Variants in CCDC7 observed in about 807,000 individuals in gnomAD.
The protein encoded by CCDC7 is coiled-coil domain containing 7.
In CCDC7, 183 loss-of-function variants were observed where a neutral mutation model predicts 196.9. The ratio of observed to expected loss-of-function variants is 0.93; its 90% CI spans 0.82 to 1.05. The LOEUF (loss-of-function observed/expected upper bound fraction) is 1.05, where lower values mean the gene tolerates loss of function less well. CCDC7 is among the 50% of genes least tolerant of loss of function. The pLI is 0.00. For synonymous variants in CCDC7, 525 were observed against 484.6 expected, an observed-to-expected ratio of 1.08 and a Z score of -1.10; for missense variants, 1,540 against 1,482.2, an observed-to-expected ratio of 1.04 and a Z score of -0.64.
chr10:32,782,498 G>A (rs2081219775), intron 29 of CCDC7, among the ~76,000 whole-genome samples: 1 of 152,100 alleles, frequency 6.6e-6, no homozygotes, highest in South Asian at 2.1e-4. Flanking sequence ...AAAGTGCTGG[G>A]ATTACAGGCA....
At chr10:32,879,071 A>G (rs2094692979), downstream of CCDC7, among the ~76,000 whole-genome samples, 2 of 151,728 alleles carry the variant, frequency 1.3e-5, no homozygotes, top group Admixed American at 1.3e-4. Context: ...TTTTTTATTT[A>G]AGTTCTGAGA....
intron 11 of CCDC7, among the ~76,000 whole-genome samples, chr10:32,529,612 G>T (rs2135839193): frequency 6.6e-6 from 1 of 152,142 alleles, no homozygotes; most frequent in Non-Finnish European, 1.5e-5. Context: ...GCTTTTTAGT[G>T]GGATTACTTG....
chr10:32,537,354 T>A (rs1014206269), intron 11 of CCDC7, among the ~76,000 whole-genome samples: 1 of 152,200 alleles, frequency 6.6e-6, no homozygotes, highest in Non-Finnish European at 1.5e-5. Flanking sequence ...AGTCATTTTT[T>A]CCTTGTAAAT....
At chr10:32,663,431 TCCTGTGTTTCAATTTCTA>T (rs1439463829) in intron 20 of CCDC7, among the ~76,000 whole-genome samples, 1 of 152,206 alleles carries the variant, frequency 6.6e-6, no homozygotes, top group Non-Finnish European at 1.5e-5. Context: ...GGTTTATCTT[TCCTGTGTTTCAATTTCTA>T]AAAGTAAGTA....
chr10:32,620,980 AT>A (rs1475325319), intron 18 of CCDC7, among the ~76,000 whole-genome samples: 1 of 152,186 alleles, frequency 6.6e-6, no homozygotes, highest in Admixed American at 6.5e-5. Flanking sequence ...GTTTTGATAA[AT>A]TACTGAATAT....
chr10:32,721,376 C>A (rs7075648), intron 25 of CCDC7, among the ~76,000 whole-genome samples: 29,891 of 151,978 alleles, frequency 0.2, 4,640 homozygotes, highest in African/African-American at 0.44. Context: ...CTAATTGGTG[C>A]ACAAAGAAGT....
chr10:32,597,464 A>G (rs112225353), intron 18 of CCDC7, among the ~76,000 whole-genome samples: 24 of 152,104 alleles, frequency 1.6e-4, no homozygotes, highest in African/African-American at 5.8e-4. Flanking sequence ...ATGGGTTCGA[A>G]CATCCTCCTT....
At chr10:32,546,599 G>T (rs916720710) in intron 13 of CCDC7, among the ~76,000 whole-genome samples, 2 of 152,148 alleles carry the variant, frequency 1.3e-5, no homozygotes, top group African/African-American at 2.4e-5. Flanking sequence ...CATAAATTTT[G>T]TAAAAAACAA....
At chr10:32,715,555 C>G (rs1024184753) in intron 25 of CCDC7, among the ~76,000 whole-genome samples, 3 of 152,132 alleles carry the variant, frequency 2.0e-5, no homozygotes, top group Non-Finnish European at 4.4e-5. Context: ...ATGAGTTTGA[C>G]AAGCTGACAG....
At chr10:32,851,429 T>C (rs377432228) in intron 39 of CCDC7, among the ~76,000 whole-genome samples, 11 of 152,358 alleles carry the variant, frequency 7.2e-5, no homozygotes, top group African/African-American at 2.4e-4. Flanking sequence ...TGATGTAATT[T>C]TGATCTTACA....
upstream of CCDC7, among the ~76,000 whole-genome samples, chr10:32,444,838 A>T (rs543210606): frequency 1.3e-5 from 2 of 150,134 alleles, no homozygotes; most frequent in South Asian, 4.2e-4. Context: ...ATAAATAAGC[A>T]TATGCCTTCA....
At chr10:32,452,048 A>G (rs1441454374) in intron 1 of CCDC7, 127 bp downstream of exon 2, 5 of 1,304,890 alleles carry the variant, frequency 3.8e-6, no homozygotes, top group African/African-American at 1.5e-5. Flanking sequence ...TACAGTAGGC[A>G]CATGAGGTGA....
intron 18 of CCDC7, among the ~76,000 whole-genome samples, chr10:32,620,803 G>A (rs1352384209): frequency 6.6e-6 from 1 of 152,104 alleles, no homozygotes; most frequent in African/African-American, 2.4e-5. Flanking sequence ...TGATATAGCT[G>A]GAGAGGTCTA....
chr10:32,758,620 A>T (rs187296242), intron 28 of CCDC7, among the ~76,000 whole-genome samples: 87 of 152,250 alleles, frequency 5.7e-4, no homozygotes, highest in African/African-American at 2.0e-3. Flanking sequence ...GATATTTATG[A>T]CAAACCCACA....
At chr10:32,779,357 A>C (rs2080661390) in intron 29 of CCDC7, among the ~76,000 whole-genome samples, 2 of 152,198 alleles carry the variant, frequency 1.3e-5, no homozygotes, top group South Asian at 4.1e-4. Context: ...ACTACTGTGA[A>C]TTTTCATAAG....
chr10:32,680,580 G>A lies in CCDC7; in HGVS notation c.2123-5390G>A, dbSNP rs921173272. ...TTTCTCCTAATGCTGTCCCTCCCCC[G>A]ACAGGCCCCACTATATGATGTTCCC... On this transcript the variant is annotated intron_variant, in intron 21 of 41. Coordinates refer to ENST00000639629, the Ensembl canonical transcript of CCDC7. Among the ~76,000 whole-genome samples the A allele has an allele frequency of 5.3e-5, 8 of 151,906 alleles. No individual in the cohort carries two copies. The Middle Eastern group carries it at 0.01, about 194-fold the overall frequency.
chr10:32,706,953 C>A (rs1018041729), intron 24 of CCDC7, among the ~76,000 whole-genome samples: 3 of 152,158 alleles, frequency 2.0e-5, no homozygotes, highest in African/African-American at 7.2e-5. Flanking sequence ...AGAGGGAATC[C>A]TCCCCAACTC....
In CCDC7 at chr10:32,686,081, G is replaced by A. The variant is rs374941931; in HGVS notation, c.2233+1G>A. The A allele has an allele frequency of 8.9e-6, 12 of 1,352,964 alleles. No homozygotes were observed. Among genetic ancestry groups the A allele is most frequent in the African/African-American group, 2.9e-5 (2 of 68,592 alleles). 83.8% of individuals were successfully genotyped at this position (1,352,964 alleles called of 1,614,324 possible). ...ACTTCTACAGAGCAACCACTCACCA[G>A]TAAGTATAAAAATTACACATAACTT... On this transcript the variant is annotated splice_donor_variant, in intron 22 of 41. Coordinates refer to ENST00000639629, the Ensembl canonical transcript of CCDC7. LOFTEE classifies it high-confidence loss of function.
intron 13 of CCDC7, among the ~76,000 whole-genome samples, chr10:32,547,964 C>G (rs1158577205): frequency 6.6e-6 from 1 of 152,146 alleles, no homozygotes; most frequent in Admixed American, 6.5e-5. Context: ...GCCCTCAAGT[C>G]CCCAAAGTCT....
Sources: gnomAD v4.1 joint callset for allele counts (sites outside exome capture counted in the v4.1 genomes callset) on GRCh38, gnomAD v4.1.1 for gene constraint, MANE v1.5 for transcripts, NCBI Gene and HGNC (gene_info 2026-07-23, HGNC 2026-07-21) for gene names.